The following MYT1L variants were observed in gnomAD, a reference collection of about 807,000 sequenced individuals.
MYT1L encodes the protein myelin transcription factor 1-like protein.
In MYT1L, 12 loss-of-function variants were observed where a neutral mutation model predicts 126.7. The observed-to-expected ratio is 0.09, with a 90% confidence interval of 0.06 to 0.15. The LOEUF (loss-of-function observed/expected upper bound fraction) is 0.15. Ranked by LOEUF, MYT1L falls within the 10% of genes least tolerant of loss-of-function variation. The pLI is 1.00. For synonymous variants in MYT1L, 541 were observed against 604.2 expected (o/e 0.90, Z 1.53); for missense variants, 979 against 1,585.2 (o/e 0.62, Z 6.49).
intron 4 of MYT1L, among the ~76,000 whole-genome samples, chr2:2,027,346 G>A (rs1018689836): frequency 2.0e-5 from 3 of 152,152 alleles, no homozygotes; most frequent in African/African-American, 7.2e-5. Flanking sequence ...CCCACCACAG[G>A]CTTAAACTCA....
intron 2 of MYT1L, among the ~76,000 whole-genome samples, chr2:2,185,486 G>A (rs1340536319): frequency 1.6e-5 from 2 of 127,002 alleles, no homozygotes; most frequent in Admixed American, 7.6e-5. Flanking sequence ...TGAGGGGGAC[G>A]CAGCCAGGCC....
chr2:2,316,762 C>T lies in MYT1L; in HGVS notation c.-521+14205G>A, dbSNP rs552687959. On this transcript the variant is annotated intron_variant, in intron 1 of 24. Transcript: ENST00000647738. ...TTAAGGGAAAGTTAGGTTTCAGTTA[C>T]GTGTCTGAGTGTCACATGGTCCAGT... Among the ~76,000 whole-genome samples, 4 of 152,264 alleles carry T rather than the reference C, an allele frequency of 2.6e-5. No individual in the cohort carries two copies. The South Asian group carries it at 6.2e-4, about 24-fold the overall frequency.
At chr2:1,843,981 C>T (rs2042173370) in intron 19 of MYT1L, among the ~76,000 whole-genome samples, 2 of 152,230 alleles carry the variant, frequency 1.3e-5, no homozygotes, top group Admixed American at 1.3e-4. Flanking sequence ...CTCTGGGGCT[C>T]AGGAGCTCTC....
At chr2:1,940,699 TA>T (rs1431573320) in intron 9 of MYT1L, among the ~76,000 whole-genome samples, 2 of 152,258 alleles carry the variant, frequency 1.3e-5, no homozygotes, top group Admixed American at 6.5e-5. Flanking sequence ...TAATAGAAGT[TA>T]TTTCCTTAGG....
At chr2:1,948,125 T>G (rs1220401676) in intron 8 of MYT1L, among the ~76,000 whole-genome samples, 1 of 152,228 alleles carries the variant, frequency 6.6e-6, no homozygotes, top group Non-Finnish European at 1.5e-5. Context: ...TGATGAAGTG[T>G]ACGTTTCAGT....
chr2:2,284,823 C>G (rs2095495098), intron 1 of MYT1L, among the ~76,000 whole-genome samples: 1 of 152,056 alleles, frequency 6.6e-6, no homozygotes, highest in Non-Finnish European at 1.5e-5. Flanking sequence ...CCTGCCTCAG[C>G]CTCCCAAGTA....
At chr2:2,279,569 G>GAAGA (rs768242415) in intron 2 of MYT1L, among the ~76,000 whole-genome samples, 6,697 of 90,098 alleles carry the variant, frequency 0.074, 437 homozygotes, top group Admixed American at 0.25. Context: ...ATGAATGAAT[G>GAAGA]AAGGAAGGAA....
chr2:2,246,444 CA>C (rs1161561141), intron 2 of MYT1L, among the ~76,000 whole-genome samples: 1 of 152,056 alleles, frequency 6.6e-6, no homozygotes, highest in Non-Finnish European at 1.5e-5. Context: ...AATGGAACAC[CA>C]TGAGACGGGT....
intron 1 of MYT1L, among the ~76,000 whole-genome samples, chr2:2,293,674 G>A (rs1176299377): frequency 2.6e-5 from 4 of 152,188 alleles, no homozygotes; most frequent in South Asian, 2.1e-4. Flanking sequence ...CAAAGCTTCC[G>A]CCTGAGGCTG....
chr2:2,305,484 A>G (rs752676108), intron 1 of MYT1L, among the ~76,000 whole-genome samples: 3 of 152,196 alleles, frequency 2.0e-5, no homozygotes, highest in Admixed American at 6.5e-5. Context: ...AACAGGGAGG[A>G]TTCCTTATTA....
intron 3 of MYT1L, among the ~76,000 whole-genome samples, chr2:2,102,603 A>AAT (rs1235748619): frequency 1.5e-5 from 2 of 133,902 alleles, no homozygotes; most frequent in Non-Finnish European, 3.2e-5. Flanking sequence ...GCCTCTTGGG[A>AAT]ATGTGTGTGT....
At chr2:2,006,882 C>A (rs2063379957) in intron 4 of MYT1L, among the ~76,000 whole-genome samples, 1 of 149,322 alleles carries the variant, frequency 6.7e-6, no homozygotes, top group Non-Finnish European at 1.5e-5. Context: ...AGGCTGAGCT[C>A]TTTAGGAAAA....
intron 4 of MYT1L, among the ~76,000 whole-genome samples, chr2:2,037,042 T>C (rs922820255): frequency 1.3e-4 from 20 of 152,220 alleles, no homozygotes; most frequent in African/African-American, 4.8e-4. Context: ...TCCTGTTCCC[T>C]CTGCCTGAAA....
intron 9 of MYT1L, among the ~76,000 whole-genome samples, chr2:1,939,971 C>T (rs2056451961): frequency 6.6e-6 from 1 of 152,254 alleles, no homozygotes; most frequent in African/African-American, 2.4e-5. Flanking sequence ...AGAAATCAAA[C>T]AAGCCTTCGG....
chr2:2,072,629 C>T (rs1372998415), intron 3 of MYT1L, among the ~76,000 whole-genome samples: 3 of 152,168 alleles, frequency 2.0e-5, no homozygotes, highest in Admixed American at 6.5e-5. Context: ...CGCGCAAATC[C>T]GATCTCCAAT....
chr2:2,074,741 T>A (rs1030387147), intron 3 of MYT1L, among the ~76,000 whole-genome samples: 1 of 152,098 alleles, frequency 6.6e-6, no homozygotes, highest in Admixed American at 6.5e-5. Flanking sequence ...AAGAATGAGA[T>A]GTTGGTTTTG....
At chr2:2,136,955 A>C (rs867508258) in intron 3 of MYT1L, among the ~76,000 whole-genome samples, 13 of 152,234 alleles carry the variant, frequency 8.5e-5, no homozygotes, top group African/African-American at 2.4e-4. Context: ...GTCTCAGCCC[A>C]AAATCTCCTT....
At chr2:2,154,940 A>C (rs918905981) in intron 3 of MYT1L, among the ~76,000 whole-genome samples, 5 of 152,178 alleles carry the variant, frequency 3.3e-5, no homozygotes, top group African/African-American at 1.2e-4. Flanking sequence ...CAGCCTGACC[A>C]ACATGGAGAG....
chr2:1,858,867 G>A (rs1382181621), intron 18 of MYT1L, among the ~76,000 whole-genome samples: 1 of 152,174 alleles, frequency 6.6e-6, no homozygotes, highest in African/African-American at 2.4e-5. Flanking sequence ...ACCTTCTCCC[G>A]GGTGGAGTCT....
Sources: allele counts gnomAD v4.1 joint callset (sites outside exome capture counted in the v4.1 genomes callset), GRCh38; gene constraint gnomAD v4.1.1; transcripts MANE v1.5; gene names NCBI Gene and HGNC (gene_info 2026-07-23, HGNC 2026-07-21).